Variants in C1QTNF3 observed in about 807,000 individuals in gnomAD.
C1QTNF3 encodes complement C1q tumor necrosis factor-related protein 3.
In C1QTNF3, 26 loss-of-function variants were observed where a neutral mutation model predicts 32.6. The observed-to-expected ratio is 0.80, with a 90% CI of 0.58 to 1.11. C1QTNF3 has a LOEUF of 1.11. Ranked by LOEUF, C1QTNF3 falls within the 50% of genes least tolerant of loss-of-function variation. The probability of loss-of-function intolerance (pLI) is 0.00; values close to 1 mark genes in which losing one functional copy is unlikely to be tolerated. For missense variants in C1QTNF3, 362 were observed against 398.2 expected (o/e 0.91, Z 0.77); for synonymous variants, 155 against 146.0 (o/e 1.06, Z -0.44).
chr5:34,157,239 G>A, the C1QTNF3 span, among the ~76,000 whole-genome samples: 20 of 152,258 alleles, frequency 1.3e-4, 1 homozygote, highest in East Asian at 3.7e-3. Context: ...CTGCTGCTGA[G>A]CTTCCTATTT....
At chr5:34,027,797 C>G (rs1754505001) in intron 4 of C1QTNF3, among the ~76,000 whole-genome samples, 1 of 143,566 alleles carries the variant, frequency 7.0e-6, no homozygotes. Context: ...TAAGGGAATT[C>G]ATTAAATATA....
At chr5:34,216,511 A>C in the C1QTNF3 span, among the ~76,000 whole-genome samples, 1 of 152,104 alleles carries the variant, frequency 6.6e-6, no homozygotes, top group African/African-American at 2.4e-5. Context: ...TTTCCCTGTG[A>C]CAATGTTTTG....
At chr5:34,169,342 C>T in the C1QTNF3 span, among the ~76,000 whole-genome samples, 5 of 151,962 alleles carry the variant, frequency 3.3e-5, no homozygotes, top group African/African-American at 1.2e-4. Context: ...TTCTACTAAT[C>T]TGCATGTCCC....
the C1QTNF3 span, among the ~76,000 whole-genome samples, chr5:34,141,797 T>C: frequency 6.6e-6 from 1 of 151,804 alleles, no homozygotes; most frequent in Non-Finnish European, 1.5e-5. Flanking sequence ...AAGCTCAGAG[T>C]GTCTGGGTGC....
chr5:34,098,943 AG>A, the C1QTNF3 span, among the ~76,000 whole-genome samples: 1 of 152,194 alleles, frequency 6.6e-6, no homozygotes, highest in African/African-American at 2.4e-5. Flanking sequence ...ATCGGAAATC[AG>A]AATTCAGTAT....
chr5:34,180,757 T>C, the C1QTNF3 span, among the ~76,000 whole-genome samples: 3,086 of 144,892 alleles, frequency 0.021, no homozygotes, highest in African/African-American at 0.075. Context: ...CAGAACAGAC[T>C]GTTGTGTTTT....
chr5:34,177,750 G>A, the C1QTNF3 span, among the ~76,000 whole-genome samples: 1 of 151,434 alleles, frequency 6.6e-6, no homozygotes, highest in African/African-American at 2.4e-5. Context: ...GCCTCCCAAA[G>A]TGCTGGGATT....
the C1QTNF3 span, among the ~76,000 whole-genome samples, chr5:34,232,390 A>T: frequency 1.7e-4 from 26 of 150,852 alleles, no homozygotes; most frequent in African/African-American, 5.8e-4. Flanking sequence ...TGTGAGAAGG[A>T]CATGATACTT....
chr5:34,155,135 T>C, the C1QTNF3 span, among the ~76,000 whole-genome samples: 1 of 152,176 alleles, frequency 6.6e-6, no homozygotes, highest in African/African-American at 2.4e-5. Context: ...AGCTTGGCTA[T>C]AATCATCAAG....
chr5:34,074,335 T>A, the C1QTNF3 span, among the ~76,000 whole-genome samples: 1 of 151,754 alleles, frequency 6.6e-6, no homozygotes, highest in African/African-American at 2.4e-5. Context: ...ATTGTGGGAC[T>A]GTAGTAAATA....
the C1QTNF3 span, among the ~76,000 whole-genome samples, chr5:34,146,301 A>G: frequency 1.3e-5 from 2 of 152,246 alleles, no homozygotes; most frequent in African/African-American, 4.8e-5. Flanking sequence ...AAGATTCGGC[A>G]CTATTCCTAG....
At chr5:34,045,436 G>C (rs999074725), upstream of C1QTNF3, among the ~76,000 whole-genome samples, 1 of 152,188 alleles carries the variant, frequency 6.6e-6, no homozygotes, top group African/African-American at 2.4e-5. Context: ...TCCAGGGTTA[G>C]GAATCACTGA....
At chr5:34,023,820 T>C in intron 5 of C1QTNF3, 89 bp downstream of exon 5, 6 of 950,310 alleles carry the variant, frequency 6.3e-6, no homozygotes, top group South Asian at 4.4e-5. Context: ...TCAGGCTCTA[T>C]TGACTCCTAT....
chr5:34,131,889 G>A, the C1QTNF3 span, among the ~76,000 whole-genome samples: 1 of 151,904 alleles, frequency 6.6e-6, no homozygotes, highest in Non-Finnish European at 1.5e-5. Context: ...CCATAAATAT[G>A]TACAATTATC....
At chr5:34,147,997 G>A in the C1QTNF3 span, among the ~76,000 whole-genome samples, 2 of 152,082 alleles carry the variant, frequency 1.3e-5, no homozygotes, top group Non-Finnish European at 2.9e-5. Context: ...CAGTGTGTGT[G>A]CGCACCATGC....
At chr5:34,145,787 A>C in the C1QTNF3 span, among the ~76,000 whole-genome samples, 1 of 152,082 alleles carries the variant, frequency 6.6e-6, no homozygotes, top group Non-Finnish European at 1.5e-5. Context: ...CCAGCAGCAC[A>C]TCAAAAAATT....
At chr5:34,236,911 T>C in the C1QTNF3 span, among the ~76,000 whole-genome samples, 1 of 152,110 alleles carries the variant, frequency 6.6e-6, no homozygotes, top group Non-Finnish European at 1.5e-5. Flanking sequence ...CTAATTAAGA[T>C]TGAGGCAGAA....
chr5:34,068,523 G>GTA, the C1QTNF3 span, among the ~76,000 whole-genome samples: 3 of 151,020 alleles, frequency 2.0e-5, no homozygotes, highest in Non-Finnish European at 4.4e-5. Flanking sequence ...ATATATATAC[G>GTA]TATATAGAGA....
At position 34,019,590 on chromosome 5, in the gene C1QTNF3, A is replaced by C. The variant is rs1338675886; in HGVS notation, c.*993T>G. ...TGCTGTGTGCCCAAGTCACCTATTC[A>C]CATGGCTGTTCACATCATCTGCATG... On this transcript the variant is annotated 3_prime_UTR_variant, in exon 6 of 6. Coordinates refer to ENST00000382065, the MANE Select transcript of C1QTNF3 (RefSeq NM_181435.6). The C allele has an allele frequency of 6.6e-6, 1 of 152,230 alleles. No individual in the cohort carries two copies. The highest frequency in any genetic ancestry group is 1.9e-4 in the East Asian group (1 of 5,196). 9.4% of individuals were successfully genotyped at this position (152,230 alleles called of 1,614,324 possible). A position where few individuals can be genotyped will look rare whatever the true frequency, so the allele number is the denominator to read the frequency against.
Sources: gnomAD v4.1 joint callset for allele counts (sites outside exome capture counted in the v4.1 genomes callset) on GRCh38, gnomAD v4.1.1 for gene constraint, MANE v1.5 for transcripts, NCBI Gene and HGNC (gene_info 2026-07-23, HGNC 2026-07-21) for gene names.